The following TGFB2 variants were observed in gnomAD, a reference collection of about 807,000 sequenced individuals.
The protein encoded by TGFB2 is transforming growth factor beta 2.
In TGFB2, 13 loss-of-function variants were observed where a neutral mutation model predicts 42.7. The observed-to-expected ratio is 0.30, with a 90% CI of 0.20 to 0.48. The LOEUF (loss-of-function observed/expected upper bound fraction) is 0.48. TGFB2 is among the 20% of genes least tolerant of loss of function. The pLI is 0.99. For missense variants in TGFB2, 390 were observed against 517.5 expected (o/e 0.75, Z 2.39); for synonymous variants, 193 against 193.6 (o/e 1.00, Z 0.03).
intron 1 of TGFB2, among the ~76,000 whole-genome samples, chr1:218,380,293 G>C (rs1162536589): frequency 1.3e-5 from 2 of 152,182 alleles, no homozygotes; most frequent in Non-Finnish European, 2.9e-5. Flanking sequence ...TTTGGGGACG[G>C]ACATTCCACT....
intron 1 of TGFB2, among the ~76,000 whole-genome samples, chr1:218,401,164 G>T (rs1421842299): frequency 1.3e-5 from 2 of 152,148 alleles, no homozygotes; most frequent in African/African-American, 4.8e-5. Flanking sequence ...TATAAGGAAA[G>T]ATTTGTGAGT....
intron 1 of TGFB2, among the ~76,000 whole-genome samples, chr1:218,347,991 C>T (rs1656747363): frequency 6.7e-6 from 1 of 148,868 alleles, no homozygotes; most frequent in Admixed American, 6.7e-5. Flanking sequence ...AACCAGCTGG[C>T]ATACAGTAGC....
At chr1:218,371,094 T>C (rs571843035) in intron 1 of TGFB2, among the ~76,000 whole-genome samples, 1 of 151,548 alleles carries the variant, frequency 6.6e-6, no homozygotes, top group East Asian at 1.9e-4. Context: ...AGCCCAGGAG[T>C]TTGAGACAAG....
At chr1:218,352,246 C>A (rs17047703) in intron 1 of TGFB2, among the ~76,000 whole-genome samples, 34,473 of 151,430 alleles carry the variant, frequency 0.23, 4,021 homozygotes, top group South Asian at 0.33. Context: ...ATTTCCGGTA[C>A]TGATGGGCTC....
Position 218,405,279 on chromosome 1 carries a change from C to A in TGFB2, c.457C>A (p.Arg153Ser). ...GGTGAAAGCAGAGTTCAGAGTCTTT[C>A]GTTTGCAGAACCCAAAAGCCAGAGT... The part of the protein sequence containing the change: ...NLVKAEFRVF[R>S]LQNPKARVPE... Residue 153 changes from arginine to serine, a missense_variant, in exon 2 of 7, where the codon CGT (arginine) becomes AGT (serine). Coordinates refer to ENST00000366930, the MANE Select transcript of TGFB2 (RefSeq NM_003238.6). 6.2e-7 allele frequency: 1 copy of A among 1,614,168 alleles called. No individual in the cohort carries two copies. Among genetic ancestry groups the A allele is most frequent in the Non-Finnish European group, 8.5e-7 (1 of 1,180,030 alleles).
At chr1:218,406,484 G>T (rs970894922) in intron 2 of TGFB2, among the ~76,000 whole-genome samples, 26 of 152,142 alleles carry the variant, frequency 1.7e-4, no homozygotes, top group Admixed American at 1.7e-3. Flanking sequence ...AACAAGATCC[G>T]CAGGTGCTTC....
intron 2 of TGFB2, among the ~76,000 whole-genome samples, chr1:218,431,080 T>A (rs1659792134): frequency 6.6e-6 from 1 of 152,174 alleles, no homozygotes; most frequent in Non-Finnish European, 1.5e-5. Context: ...AGACAACAAA[T>A]CCACCAGACA....
intron 1 of TGFB2, among the ~76,000 whole-genome samples, chr1:218,365,551 A>C (rs936041952): frequency 2.0e-5 from 3 of 152,052 alleles, no homozygotes; most frequent in Admixed American, 2.0e-4. Flanking sequence ...CTCCACATAG[A>C]TTCCCATAAC....
At chr1:218,359,473 C>T (rs1657144847) in intron 1 of TGFB2, among the ~76,000 whole-genome samples, 1 of 152,128 alleles carries the variant, frequency 6.6e-6, no homozygotes, top group African/African-American at 2.4e-5. Context: ...GCTAGTTTGT[C>T]CTGGAGAGAG....
chr1:218,363,566 T>C, intron 1 of TGFB2: 1 of 688,690 alleles, frequency 1.5e-6, no homozygotes, highest in Non-Finnish European at 2.4e-6. Context: ...GTGCCTAGAA[T>C]TTTTTTTAGT....
intron 6 of TGFB2, among the ~76,000 whole-genome samples, chr1:218,440,403 C>T (rs1293953923): frequency 2.0e-5 from 3 of 150,580 alleles, no homozygotes; most frequent in Admixed American, 6.6e-5. Context: ...AGACACTTAA[C>T]GTAGAAAGAT....
chr1:218,413,093 T>C (rs1349069869), intron 2 of TGFB2, among the ~76,000 whole-genome samples: 1 of 152,156 alleles, frequency 6.6e-6, no homozygotes, highest in Non-Finnish European at 1.5e-5. Flanking sequence ...GCCCAGAGGC[T>C]GGGCGCGGTG....
intron 2 of TGFB2, among the ~76,000 whole-genome samples, chr1:218,422,254 G>T (rs952850987): frequency 3.3e-5 from 5 of 150,268 alleles, no homozygotes; most frequent in Non-Finnish European, 5.9e-5. Context: ...GTCTCGCTCT[G>T]TCACCCAGGC....
Position 218,405,243 on chromosome 1 carries a change from G to T in TGFB2, c.421G>T (p.Ala141Ser). 1 of 1,614,080 alleles carries T rather than the reference G, an allele frequency of 6.2e-7. No homozygotes were observed. Among genetic ancestry groups the T allele is most frequent in the African/African-American group, 1.3e-5 (1 of 75,044 alleles). Residue 141 changes from alanine (A) to serine (S), a missense_variant, in exon 2 of 7, where the codon GCT becomes TCT. Physicochemically the swap from Ala to Ser is moderately conservative, Grantham distance 99. Transcript: ENST00000366930. The part of the protein sequence containing the change: ...RFDVSAMEKN[A>S]SNLVKAEFRV... ...TGACGTCTCAGCAATGGAGAAGAAT[G>T]CTTCCAATTTGGTGAAAGCAGAGTT...
intron 6 of TGFB2, among the ~76,000 whole-genome samples, chr1:218,440,412 A>G (rs759490860): frequency 2.6e-5 from 4 of 151,594 alleles, no homozygotes; most frequent in Non-Finnish European, 5.9e-5. Context: ...ACGTAGAAAG[A>G]TTTCATTTCC....
intron 2 of TGFB2, among the ~76,000 whole-genome samples, chr1:218,410,626 A>G (rs1462014033): frequency 4.6e-5 from 7 of 152,174 alleles, no homozygotes; most frequent in Non-Finnish European, 4.4e-5. Flanking sequence ...AAGAGGAGAA[A>G]ACAAAGATGA....
intron 1 of TGFB2, among the ~76,000 whole-genome samples, chr1:218,380,459 T>C (rs992120587): frequency 6.6e-6 from 1 of 152,188 alleles, no homozygotes; most frequent in Non-Finnish European, 1.5e-5. Flanking sequence ...GGCCTGTTTT[T>C]TTTTTCCTAG....
At chr1:218,399,063 T>C (rs1048120394) in intron 1 of TGFB2, among the ~76,000 whole-genome samples, 3 of 152,122 alleles carry the variant, frequency 2.0e-5, no homozygotes, top group Non-Finnish European at 4.4e-5. Context: ...TTTTATTTTT[T>C]AATAGAAATG....
intron 2 of TGFB2, among the ~76,000 whole-genome samples, chr1:218,430,702 A>G (rs538919637): frequency 6.6e-6 from 1 of 152,350 alleles, no homozygotes; most frequent in East Asian, 1.9e-4. Context: ...TAGGAAGAAG[A>G]TACCTTTCAA....
Sources: allele counts gnomAD v4.1 joint callset (sites outside exome capture counted in the v4.1 genomes callset), GRCh38; gene constraint gnomAD v4.1.1; transcripts MANE v1.5; gene names NCBI Gene and HGNC (gene_info 2026-07-23, HGNC 2026-07-21).